Variants in EXT1 observed in about 807,000 individuals in gnomAD.
EXT1 encodes exostosin-1.
A neutral mutation model predicts 82.5 loss-of-function variants in EXT1; 20 were observed. That is an observed-to-expected ratio of 0.24 (90% CI 0.17 to 0.35). The LOEUF is 0.35. EXT1 is among the 10% of genes least tolerant of loss of function. The pLI is 1.00. For synonymous variants in EXT1, 348 were observed against 350.8 expected, an observed-to-expected ratio of 0.99 and a Z score of 0.09; for missense variants, 757 against 936.5, an observed-to-expected ratio of 0.81 and a Z score of 2.50.
intron 1 of EXT1, among the ~76,000 whole-genome samples, chr8:117,953,635 G>A (rs1186248407): frequency 2.0e-5 from 3 of 152,018 alleles, no homozygotes; most frequent in African/African-American, 4.8e-5. Context: ...TCAGATTAGA[G>A]TGTGTTATGC....
At chr8:117,838,621 G>A (rs1400821158) in intron 1 of EXT1, among the ~76,000 whole-genome samples, 2 of 151,906 alleles carry the variant, frequency 1.3e-5, no homozygotes, top group Non-Finnish European at 2.9e-5. Flanking sequence ...TTTTTAAGAA[G>A]GCTTGAATTT....
chr8:117,956,002 A>G (rs1814578754), intron 1 of EXT1, among the ~76,000 whole-genome samples: 1 of 152,262 alleles, frequency 6.6e-6, no homozygotes, highest in African/African-American at 2.4e-5. Flanking sequence ...AAAAGATGGA[A>G]CATTAACATA....
chr8:117,934,074 A>T (rs140970745), intron 1 of EXT1, among the ~76,000 whole-genome samples: 353 of 151,956 alleles, frequency 2.3e-3, no homozygotes, highest in African/African-American at 8.2e-3. Context: ...TGTGCCTTCT[A>T]CCTCAACACG....
At chr8:118,065,933 A>G (rs1317550424) in intron 1 of EXT1, among the ~76,000 whole-genome samples, 1 of 152,240 alleles carries the variant, frequency 6.6e-6, no homozygotes, top group African/African-American at 2.4e-5. Context: ...TTTCAGTTGC[A>G]CATTTGAAGA....
intron 1 of EXT1, among the ~76,000 whole-genome samples, chr8:117,901,072 T>A (rs1004638273): frequency 6.6e-6 from 1 of 152,178 alleles, no homozygotes; most frequent in Non-Finnish European, 1.5e-5. Context: ...ATCTAGAGTA[T>A]CAAATCCATC....
intron 1 of EXT1, among the ~76,000 whole-genome samples, chr8:118,027,726 C>A (rs951285611): frequency 6.6e-6 from 1 of 152,150 alleles, no homozygotes; most frequent in Non-Finnish European, 1.5e-5. Flanking sequence ...ATTACTCTTA[C>A]GTAGTCCAGA....
At chr8:117,865,293 G>A (rs1812758867) in intron 1 of EXT1, among the ~76,000 whole-genome samples, 1 of 152,120 alleles carries the variant, frequency 6.6e-6, no homozygotes, top group Non-Finnish European at 1.5e-5. Flanking sequence ...TCAGCCTCCT[G>A]AGTAGCTGGG....
In EXT1 at chr8:117,862,836, G is replaced by T. The variant is rs113968084; in HGVS notation, c.963-25635C>A. ...TGAAGAAGTGACATTGAAACTGAGG[G>T]CTGAGGACAGAGGAGAAGCCAGCTC... On this transcript the variant is annotated intron_variant, in intron 1 of 10. Coordinates refer to ENST00000378204, the MANE Select transcript of EXT1 (RefSeq NM_000127.3). 2.3e-4 allele frequency among the ~76,000 whole-genome samples: 34 copies of T among 145,272 alleles called. 3 individuals are homozygous for T. In the South Asian group the frequency reaches 2.5e-3, roughly 11 times the overall value.
At chr8:118,070,912 G>A (rs1055328241) in intron 1 of EXT1, among the ~76,000 whole-genome samples, 2 of 152,108 alleles carry the variant, frequency 1.3e-5, no homozygotes, top group African/African-American at 4.8e-5. Flanking sequence ...AAAACCATAT[G>A]AAATATTAAG....
At chr8:117,821,935 T>C (rs1354683885) in intron 5 of EXT1, among the ~76,000 whole-genome samples, 6 of 152,324 alleles carry the variant, frequency 3.9e-5, no homozygotes, top group Admixed American at 6.5e-5. Flanking sequence ...AGAGATTGTA[T>C]CTTATTTGAC....
intron 1 of EXT1, among the ~76,000 whole-genome samples, chr8:117,972,956 C>T (rs1023393736): frequency 5.3e-5 from 8 of 152,116 alleles, no homozygotes; most frequent in African/African-American, 1.7e-4. Flanking sequence ...GATGAGATTT[C>T]GGTGGGGACA....
intron 1 of EXT1, among the ~76,000 whole-genome samples, chr8:117,894,429 T>G (rs7817133): frequency 0.013 from 1,993 of 152,250 alleles, 41 homozygotes; most frequent in African/African-American, 0.045. Flanking sequence ...GGGAGTTGAT[T>G]ACAGCAGAAG....
chr8:117,886,183 T>C (rs1241596276), intron 1 of EXT1, among the ~76,000 whole-genome samples: 2 of 152,256 alleles, frequency 1.3e-5, no homozygotes, highest in Non-Finnish European at 2.9e-5. Flanking sequence ...TATAAAATTG[T>C]ACCTTGTAAA....
chr8:117,862,993 T>C lies in EXT1; in HGVS notation c.963-25792A>G, dbSNP rs1443223897. Among the ~76,000 whole-genome samples, 3 of 151,966 alleles carry C rather than the reference T, an allele frequency of 2.0e-5. No individual in the cohort carries two copies. The East Asian group carries it at 5.8e-4, about 29-fold the overall frequency. On this transcript the variant is annotated intron_variant, in intron 1 of 10. Coordinates refer to ENST00000378204, the MANE Select transcript of EXT1 (RefSeq NM_000127.3). The stretch of plus-strand genomic sequence containing the variant: ...AGTCTGGGTGGGAGTGGTGGAGGTG[T>C]TGGCAGAGGAAGGAAGGGAAGTGAT...
chr8:118,091,604 G>T (rs1817525024), intron 1 of EXT1, among the ~76,000 whole-genome samples: 1 of 152,098 alleles, frequency 6.6e-6, no homozygotes, highest in Non-Finnish European at 1.5e-5. Context: ...AATTAGCCGG[G>T]CATGGTGGCG....
At chr8:118,026,590 A>G (rs192755717) in intron 1 of EXT1, among the ~76,000 whole-genome samples, 1 of 151,800 alleles carries the variant, frequency 6.6e-6, no homozygotes, top group African/African-American at 2.4e-5. Context: ...CCTCTGGAGA[A>G]AAAAAAAATC....
intron 1 of EXT1, among the ~76,000 whole-genome samples, chr8:118,098,260 T>A (rs955261804): frequency 6.6e-6 from 1 of 152,050 alleles, no homozygotes; most frequent in Non-Finnish European, 1.5e-5. Flanking sequence ...GAGTGTGAAA[T>A]GCCCAACATA....
intron 1 of EXT1, among the ~76,000 whole-genome samples, chr8:118,059,126 G>C (rs1368581558): frequency 2.0e-5 from 3 of 152,258 alleles, no homozygotes; most frequent in Non-Finnish European, 4.4e-5. Context: ...GGCCAAGGCA[G>C]AGGTTCCAAA....
intron 1 of EXT1, among the ~76,000 whole-genome samples, chr8:117,910,428 A>G (rs556695390): frequency 4.6e-5 from 7 of 152,298 alleles, no homozygotes; most frequent in Non-Finnish European, 8.8e-5. Flanking sequence ...GTGGGATCCA[A>G]CCACAGCTTA....
Sources: allele counts gnomAD v4.1 joint callset (sites outside exome capture counted in the v4.1 genomes callset), GRCh38; gene constraint gnomAD v4.1.1; transcripts MANE v1.5; gene names NCBI Gene and HGNC (gene_info 2026-07-23, HGNC 2026-07-21).